The following DIPK1A variants were observed in gnomAD, a reference collection of about 807,000 sequenced individuals.
DIPK1A encodes the protein family with sequence similarity 69 member A.
A neutral mutation model predicts 40.8 loss-of-function variants in DIPK1A; 27 were observed. The ratio of observed to expected loss-of-function variants is 0.66; its 90% confidence interval spans 0.49 to 0.91. The LOEUF is 0.91. Among genes scored for constraint, DIPK1A ranks in the 40% least tolerant of loss-of-function variants. DIPK1A has a pLI of 0.00. For synonymous variants in DIPK1A, 166 were observed against 171.3 expected (o/e 0.97, Z 0.24); for missense variants, 412 against 505.7 (o/e 0.81, Z 1.78).
intron 2 of DIPK1A, among the ~76,000 whole-genome samples, chr1:92,870,029 T>TA (rs1006120917): frequency 2.0e-5 from 3 of 150,936 alleles, no homozygotes; most frequent in Admixed American, 6.6e-5. Flanking sequence ...GATTAGACTT[T>TA]AAAAAAAGGT....
intron 1 of DIPK1A, among the ~76,000 whole-genome samples, chr1:92,958,103 T>C (rs1055360052): frequency 6.6e-6 from 1 of 152,248 alleles, no homozygotes; most frequent in Non-Finnish European, 1.5e-5. Context: ...ACCACACAAG[T>C]TCTTTTCTTC....
intron 1 of DIPK1A, among the ~76,000 whole-genome samples, chr1:92,953,863 T>A (rs1042798086): frequency 1.3e-5 from 2 of 152,176 alleles, no homozygotes; most frequent in African/African-American, 4.8e-5. Flanking sequence ...TACTATACTA[T>A]ATGCTTAAAA....
intron 1 of DIPK1A, among the ~76,000 whole-genome samples, chr1:92,953,669 C>T (rs1360343480): frequency 6.6e-6 from 1 of 152,126 alleles, no homozygotes. Flanking sequence ...TGTGATTCCA[C>T]TTATATGAAG....
intron 4 of DIPK1A, chr1:92,834,655 T>C: frequency 7.6e-7 from 1 of 1,318,682 alleles, no homozygotes. Context: ...GCTAAGAGTC[T>C]TAAGCATTTT....
At chr1:92,887,292 G>A (rs868858359) in intron 1 of DIPK1A, among the ~76,000 whole-genome samples, 2 of 150,916 alleles carry the variant, frequency 1.3e-5, no homozygotes, top group Middle Eastern at 3.4e-3. Context: ...TAGGCATAGT[G>A]GCATGTGTCT....
At chr1:92,853,972 G>A (rs928188886) in intron 2 of DIPK1A, among the ~76,000 whole-genome samples, 9 of 152,020 alleles carry the variant, frequency 5.9e-5, no homozygotes, top group African/African-American at 1.9e-4. Flanking sequence ...CCACAGCCTC[G>A]ATCTCCCAGG....
chr1:92,854,724 G>A (rs1157424096), intron 2 of DIPK1A, among the ~76,000 whole-genome samples: 1 of 152,228 alleles, frequency 6.6e-6, no homozygotes, highest in Non-Finnish European at 1.5e-5. Flanking sequence ...TTAAACTCAA[G>A]TTTGGGAGGC....
intron 3 of DIPK1A, 133 bp downstream of exon 3, chr1:92,850,715 T>C (rs1388794580): frequency 1.6e-6 from 1 of 617,522 alleles, no homozygotes; most frequent in African/African-American, 1.9e-5. Context: ...AATGAATGAA[T>C]CAAAGCATAC....
At position 92,844,088 on chromosome 1, in the gene DIPK1A, T is replaced by C. The variant is rs1448952425; in HGVS notation, c.582A>G (p.Ala194=). The change falls in exon 5 of 5, where the codon GCA becomes GCG. Residue 194 remains alanine (A), a synonymous_variant. Transcript: ENST00000370310. ...ATTCATTCAGTTGAAGAAGTGCCCA[T>C]GCCGACTTTGCTTCTCCCAAGGAAA... is the stretch of plus-strand genomic sequence containing the variant. The part of the protein sequence containing the change: ...GQVSLGEAKS[A]WALLQLNEFL... 1 of 1,551,792 alleles carries C rather than the reference T, an allele frequency of 6.4e-7. No individual in the cohort carries two copies. The highest frequency in any genetic ancestry group is 8.7e-7 in the Non-Finnish European group (1 of 1,147,056).
intron 4 of DIPK1A, among the ~76,000 whole-genome samples, chr1:92,846,792 CATATATATATATATATATAT>C (rs1180062565): frequency 3.1e-4 from 5 of 16,030 alleles, no homozygotes; most frequent in Admixed American, 1.2e-3. Context: ...CCACTCCTGG[CATATATATATATATATATAT>C]ATATATATAT....
chr1:92,942,027 A>G (rs1651173714), intron 1 of DIPK1A, among the ~76,000 whole-genome samples: 1 of 152,086 alleles, frequency 6.6e-6, no homozygotes, highest in African/African-American at 2.4e-5. Context: ...TACAGCCCAC[A>G]GCAACACCGC....
intron 1 of DIPK1A, chr1:92,930,882 T>C (rs1158216236): frequency 3.3e-5 from 5 of 152,228 alleles, no homozygotes; most frequent in South Asian, 2.1e-4. Context: ...AAGACTAAGA[T>C]GGTCCCTTCC....
intron 4 of DIPK1A, chr1:92,846,585 A>T (rs12746956): frequency 2.3e-6 from 1 of 429,498 alleles, no homozygotes; most frequent in Non-Finnish European, 4.7e-6. Context: ...TTTAGCTATC[A>T]TAAATAATGT....
rs1202744369 is a variant in DIPK1A, at chr1:92,842,768, T to A, written c.*615A>T. The A allele has an allele frequency of 1.0e-6, 1 of 985,218 alleles. No individual in the cohort carries two copies. The highest frequency in any genetic ancestry group is 1.2e-6 in the Non-Finnish European group (1 of 829,840). The allele number at this position is 985,218 out of a possible 1,614,324, so 61.0% of individuals were successfully genotyped here. On this transcript the variant is annotated 3_prime_UTR_variant, in exon 5 of 5. Coordinates refer to ENST00000370310, the MANE Select transcript of DIPK1A (RefSeq NM_001006605.5). ...CCATTTTTAGTCAATAAAATTGGTG[T>A]ACTGTCAAGTATAAGATTTCTTGAA...
chr1:92,860,118 C>T (rs1007779297), intron 2 of DIPK1A, among the ~76,000 whole-genome samples: 1 of 152,128 alleles, frequency 6.6e-6, no homozygotes, highest in Non-Finnish European at 1.5e-5. Flanking sequence ...ATGAGATATT[C>T]CATACCTTTT....
At chr1:92,893,923 T>TA (rs1198058588) in intron 1 of DIPK1A, among the ~76,000 whole-genome samples, 1 of 151,194 alleles carries the variant, frequency 6.6e-6, no homozygotes, top group Non-Finnish European at 1.5e-5. Flanking sequence ...TACATAATGG[T>TA]AAAGGGATCA....
intron 1 of DIPK1A, among the ~76,000 whole-genome samples, chr1:92,934,850 G>T (rs1650888351): frequency 3.9e-5 from 6 of 152,194 alleles, no homozygotes; most frequent in Admixed American, 3.9e-4. Flanking sequence ...TCTCCAGACT[G>T]CTATACATGG....
rs1464347631 is a variant in DIPK1A, at chr1:92,842,169, T to G, written c.*1214A>C. 9.7e-7 allele frequency: 1 copy of G among 1,032,590 alleles called. No individual in the cohort carries two copies. Among genetic ancestry groups the G allele is most frequent in the South Asian group, 3.8e-5 (1 of 26,432 alleles). The allele number at this position is 1,032,590 out of a possible 1,614,324, so 64.0% of individuals were successfully genotyped here. ...ACAGACCAACCATCAGTGGGAAATA[T>G]TTCTTCCATCCATTTATTATAACCA... On this transcript the variant is annotated 3_prime_UTR_variant, in exon 5 of 5. Coordinates refer to ENST00000370310, the MANE Select transcript of DIPK1A (RefSeq NM_001006605.5).
At chr1:92,839,711 A>G (rs886286835), downstream of DIPK1A, among the ~76,000 whole-genome samples, 2 of 152,248 alleles carry the variant, frequency 1.3e-5, no homozygotes, top group Admixed American at 1.3e-4. Context: ...CTTGAATGAA[A>G]GAATCTAGGT....
Sources: gnomAD v4.1 joint callset for allele counts (sites outside exome capture counted in the v4.1 genomes callset) on GRCh38, gnomAD v4.1.1 for gene constraint, MANE v1.5 for transcripts, NCBI Gene and HGNC (gene_info 2026-07-23, HGNC 2026-07-21) for gene names.